The following CRTC1 variants were observed in gnomAD, a reference collection of about 807,000 sequenced individuals.
The protein encoded by CRTC1 is CREB-regulated transcription coactivator 1.
CRTC1 carries 18 observed loss-of-function variants against 66.1 expected under a neutral mutation model. The observed-to-expected ratio is 0.27, with a 90% CI of 0.19 to 0.40. The LOEUF is 0.40. CRTC1 is among the 10% of genes least tolerant of loss of function. The probability of loss-of-function intolerance (pLI) is 1.00; values close to 1 mark genes in which losing one functional copy is unlikely to be tolerated. For missense variants in CRTC1, 669 were observed against 887.9 expected (o/e 0.75, Z 3.13); for synonymous variants, 416 against 398.8 (o/e 1.04, Z -0.51).
intron 10 of CRTC1, among the ~76,000 whole-genome samples, chr19:18,769,125 C>T (rs769202766): frequency 1.1e-4 from 17 of 152,200 alleles, no homozygotes; most frequent in Non-Finnish European, 1.9e-4. Context: ...AAGAAGAGTA[C>T]GGCGTTCTCA....
chr19:18,760,413 G>T lies in CRTC1; in HGVS notation c.886+185G>T. On this transcript the variant is annotated intron_variant, in intron 8 of 13. Coordinates refer to ENST00000321949, the MANE Select transcript of CRTC1 (RefSeq NM_015321.3). The surrounding 1 kb of genome is among the most constrained non-coding windows in gnomAD (Gnocchi z 6.2). Reference sequence around the variant, plus strand: ...AGGTAGGGGTGGGGCCTGGGTACAGGCCTGGTGGAAAGGAGTGCCTGGTGC... The same window carrying T: ...AGGTAGGGGTGGGGCCTGGGTACAGTCCTGGTGGAAAGGAGTGCCTGGTGC... Among the ~76,000 whole-genome samples, 1 of 152,162 alleles carries T rather than the reference G, an allele frequency of 6.6e-6. No individual in the cohort carries two copies. The highest frequency in any genetic ancestry group is 1.9e-4 in the East Asian group (1 of 5,192).
chr19:18,757,164 A>G (rs1157780425), intron 6 of CRTC1, among the ~76,000 whole-genome samples: 4 of 152,100 alleles, frequency 2.6e-5, no homozygotes, highest in Non-Finnish European at 5.9e-5. Flanking sequence ...CCAGGGCCCC[A>G]GGGGCGGAAA....
intron 1 of CRTC1, among the ~76,000 whole-genome samples, chr19:18,720,618 G>A (rs1412721158): frequency 6.8e-6 from 1 of 146,916 alleles, no homozygotes; most frequent in Non-Finnish European, 1.5e-5. Context: ...CGCCCGCCTC[G>A]GCCTCCCAGA....
intron 1 of CRTC1, among the ~76,000 whole-genome samples, chr19:18,718,061 C>T (rs1220398408): frequency 6.6e-6 from 1 of 152,160 alleles, no homozygotes; most frequent in South Asian, 2.1e-4. Flanking sequence ...TGGCGTTTGG[C>T]GCATTCACAG....
Position 18,709,144 on chromosome 19 carries a change from C to T in CRTC1, c.126+25316C>T, listed in dbSNP as rs149651897. On this transcript the variant is annotated intron_variant, in intron 1 of 13. Transcript: ENST00000321949. ...GGAGGGGCCTTGTGGAGCCCAGAGT[C>T]GCAGGTGCACCTGGCAGTGGGCAGA... Among the ~76,000 whole-genome samples the T allele has an allele frequency of 7.7e-3, 1,168 of 152,256 alleles. 6 individuals carry two copies. Among genetic ancestry groups the T allele is most frequent in the Non-Finnish European group, 0.012 (830 of 67,998 alleles).
Position 18,683,834 on chromosome 19 carries a change from G to A in CRTC1, c.126+6G>A, listed in dbSNP as rs1287393010. 4.4e-5 allele frequency: 55 copies of A among 1,259,846 alleles called. No individual in the cohort carries two copies. The highest frequency in any genetic ancestry group is 5.5e-5 in the Non-Finnish European group (53 of 971,826). 78.0% of individuals were successfully genotyped at this position (1,259,846 alleles called of 1,614,324 possible). A position where few individuals can be genotyped will look rare whatever the true frequency, so the allele number is the denominator to read the frequency against. ...GCCTGACGCGGGCCGCGCGGGTAAG[G>A]GGGCTGCCCGCGCCGACCCTTCAGG... On this transcript the variant is annotated splice_donor_region_variant and intron_variant, in intron 1 of 13. Coordinates refer to ENST00000321949, the MANE Select transcript of CRTC1 (RefSeq NM_015321.3).
chr19:18,762,470 C>T (rs949964896), intron 8 of CRTC1, among the ~76,000 whole-genome samples: 12 of 152,352 alleles, frequency 7.9e-5, no homozygotes, highest in Admixed American at 2.6e-4. Flanking sequence ...CAAGCCCACC[C>T]GCCAGTCAGA....
At chr19:18,759,392 C>T (rs181895544) in intron 6 of CRTC1, among the ~76,000 whole-genome samples, 159 bp from the exon 7 acceptor site, 12 of 150,284 alleles carry the variant, frequency 8.0e-5, no homozygotes, top group Non-Finnish European at 1.0e-4. Context: ...GTGCCCCTGT[C>T]CTCCATCTGT....
In CRTC1 at chr19:18,777,709, T is replaced by C. The variant is rs914977565; in HGVS notation, c.*327T>C. 25 of 375,580 alleles carry C rather than the reference T, an allele frequency of 6.7e-5. No individual in the cohort carries two copies. The highest frequency in any genetic ancestry group is 5.3e-4 in the African/African-American group (25 of 46,766). 23.3% of individuals were successfully genotyped at this position (375,580 alleles called of 1,614,324 possible). On this transcript the variant is annotated 3_prime_UTR_variant, in exon 14 of 14. Coordinates refer to ENST00000321949, the MANE Select transcript of CRTC1 (RefSeq NM_015321.3). The surrounding 1 kb of genome is among the most constrained non-coding windows in gnomAD (Gnocchi z 5.5). ...GCCGTCCCCTGTAAGATGCGGGAAGTGTCAGCTCCCGGCGTGGCGGGCAGG... is the reference window on the plus strand; with the variant it reads ...GCCGTCCCCTGTAAGATGCGGGAAGCGTCAGCTCCCGGCGTGGCGGGCAGG...
In CRTC1 at chr19:18,771,350, T is replaced by C; in HGVS notation, c.1321-92T>C. 9.0e-7 allele frequency: 1 copy of C among 1,115,926 alleles called. No homozygotes were observed. The highest frequency in any genetic ancestry group is 2.7e-5 in the East Asian group (1 of 37,126). The allele number at this position is 1,115,926 out of a possible 1,614,324, so 69.1% of individuals were successfully genotyped here. On this transcript the variant is annotated intron_variant, in intron 10 of 13. Coordinates refer to ENST00000321949, the MANE Select transcript of CRTC1 (RefSeq NM_015321.3). The surrounding 1 kb of genome is among the most constrained non-coding windows in gnomAD (Gnocchi z 4.6). Reference sequence around the variant, plus strand: ...GGTGTGAGGGGCGGGGGGACCTGCCTGGGGGCTGATCAGGCTGCTCCCGGG... The same window carrying C: ...GGTGTGAGGGGCGGGGGGACCTGCCCGGGGGCTGATCAGGCTGCTCCCGGG...
chr19:18,735,919 T>C (rs1252109859), intron 1 of CRTC1, among the ~76,000 whole-genome samples: 1 of 152,188 alleles, frequency 6.6e-6, no homozygotes, highest in Admixed American at 6.5e-5. Context: ...CTGGCTGCCA[T>C]GTCCACTGAA....
intron 1 of CRTC1, among the ~76,000 whole-genome samples, chr19:18,730,466 C>T (rs2053861536): frequency 6.6e-6 from 1 of 151,890 alleles, no homozygotes; most frequent in Non-Finnish European, 1.5e-5. Context: ...TGTACTGGGG[C>T]CCCCCTACGC....
chr19:18,717,034 C>T (rs957528884), intron 1 of CRTC1, among the ~76,000 whole-genome samples: 1 of 152,130 alleles, frequency 6.6e-6, no homozygotes, highest in Non-Finnish European at 1.5e-5. Context: ...AGCATATGTG[C>T]ATGCACGTGC....
chr19:18,709,576 G>T (rs1447681160), intron 1 of CRTC1, among the ~76,000 whole-genome samples: 1 of 152,176 alleles, frequency 6.6e-6, no homozygotes, highest in Non-Finnish European at 1.5e-5. Context: ...TGGGGGCTGT[G>T]TCTGAGCAAG....
At position 18,711,629 on chromosome 19, in the gene CRTC1, C is replaced by G. The variant is rs59312938; in HGVS notation, c.126+27801C>G. ...CCAGGTTACAGGCTCTGACGTGGGC[C>G]TGAGGGCCTCTGGGCTGTAGTGGGT... On this transcript the variant is annotated intron_variant, in intron 1 of 13. Transcript: ENST00000321949. 7.2e-3 allele frequency among the ~76,000 whole-genome samples: 1,093 copies of G among 152,336 alleles called. 17 individuals carry two copies. The highest frequency in any genetic ancestry group is 0.025 in the African/African-American group (1,059 of 41,584).
At chr19:18,732,293 G>C (rs1248931104) in intron 1 of CRTC1, among the ~76,000 whole-genome samples, 1 of 152,220 alleles carries the variant, frequency 6.6e-6, no homozygotes. Context: ...CGATCTCTAG[G>C]ATTGGAGGCC....
chr19:18,768,236 G>A lies in CRTC1; in HGVS notation c.1012-249G>A, dbSNP rs1188841894. On this transcript the variant is annotated intron_variant, in intron 9 of 13. Coordinates refer to ENST00000321949, the MANE Select transcript of CRTC1 (RefSeq NM_015321.3). The surrounding 1 kb of genome is among the most constrained non-coding windows in gnomAD (Gnocchi z 5.6). ...GCCTGAGCTGCACGGCATGTAGTGC[G>A]GGTGCAGGCACAACAAGCTGGAGGA... Among the ~76,000 whole-genome samples the A allele has an allele frequency of 2.0e-5, 3 of 152,170 alleles. No individual in the cohort carries two copies. The highest frequency in any genetic ancestry group is 1.3e-4 in the Admixed American group (2 of 15,288).
Position 18,683,747 on chromosome 19 carries a change from G to T in CRTC1, c.45G>T (p.Ala15=). The T allele has an allele frequency of 7.1e-7, 1 of 1,402,588 alleles. No individual in the cohort carries two copies. Among genetic ancestry groups the T allele is most frequent in the Admixed American group, 2.3e-5 (1 of 43,590 alleles). The allele number at this position is 1,402,588 out of a possible 1,614,324, so 86.9% of individuals were successfully genotyped here. Residue 15 remains alanine (A), a synonymous_variant, in exon 1 of 14, where the codon GCG becomes GCT. Coordinates refer to ENST00000321949, the MANE Select transcript of CRTC1 (RefSeq NM_015321.3). The part of the protein sequence containing the change: ...NNPRKFSEKI[A]LHNQKQAEET... ...CGCGGAAATTCAGCGAGAAGATCGC[G>T]CTGCACAATCAGAAGCAGGCGGAGG... is the stretch of plus-strand genomic sequence containing the variant.
Position 18,771,612 on chromosome 19 carries a change from TC to T in CRTC1, c.1425+69del. On this transcript the variant is annotated intron_variant, in intron 11 of 13. Coordinates refer to ENST00000321949, the MANE Select transcript of CRTC1 (RefSeq NM_015321.3). The surrounding 1 kb of genome is among the most constrained non-coding windows in gnomAD (Gnocchi z 4.6). ...CTTGTCTTGTTCATGCCCCGTGTGT[TC>T]CCTGCCCACTGTCTGTCCTCATGCA... The T allele has an allele frequency of 8.1e-7, 1 of 1,240,392 alleles. No homozygotes were observed. Among genetic ancestry groups the T allele is most frequent in the Non-Finnish European group, 1.2e-6 (1 of 860,110 alleles). The allele number at this position is 1,240,392 out of a possible 1,614,324, so 76.8% of individuals were successfully genotyped here. A position where few individuals can be genotyped will look rare whatever the true frequency, so the allele number is the denominator to read the frequency against.
Sources: allele counts gnomAD v4.1 joint callset (sites outside exome capture counted in the v4.1 genomes callset), GRCh38; gene constraint gnomAD v4.1.1; non-coding constraint Gnocchi (gnomAD v3.1); transcripts MANE v1.5; gene names NCBI Gene and HGNC (gene_info 2026-07-23, HGNC 2026-07-21).